The following FLT1 variants were observed in gnomAD, a reference collection of about 807,000 sequenced individuals.
FLT1 encodes vascular endothelial growth factor receptor 1.
In FLT1, 49 loss-of-function variants were observed where a neutral mutation model predicts 156.3. That is an observed-to-expected ratio of 0.31 (90% CI 0.25 to 0.40). FLT1 has a LOEUF of 0.40. Among genes scored for constraint, FLT1 ranks in the 10% least tolerant of loss-of-function variants. The pLI, the probability that FLT1 is intolerant of heterozygous loss-of-function variation, is 1.00. For synonymous variants in FLT1, 594 were observed against 583.8 expected (o/e 1.02, Z -0.25); for missense variants, 1,322 against 1,637.2 (o/e 0.81, Z 3.32).
intron 4 of FLT1, among the ~76,000 whole-genome samples, chr13:28,436,988 C>G (rs1878062539): frequency 6.6e-6 from 1 of 152,168 alleles, no homozygotes; most frequent in Non-Finnish European, 1.5e-5. Flanking sequence ...TGCTCTTAAC[C>G]ACACTTGTCT....
chr13:28,333,085 T>C (rs565535490), intron 18 of FLT1, among the ~76,000 whole-genome samples: 1 of 152,274 alleles, frequency 6.6e-6, no homozygotes, highest in South Asian at 2.1e-4. Flanking sequence ...AAGTTGAAAA[T>C]ATATTTACAT....
rs1306110321 is a variant in FLT1, at chr13:28,494,852, C to G, written c.-9G>C. The G allele has an allele frequency of 2.6e-6, 4 of 1,545,108 alleles. No homozygotes were observed. The highest frequency in any genetic ancestry group is 3.5e-6 in the Non-Finnish European group (4 of 1,151,814). On this transcript the variant is annotated 5_prime_UTR_variant, in exon 1 of 30. Coordinates refer to ENST00000282397, the MANE Select transcript of FLT1 (RefSeq NM_002019.4). ...TCCCAGTAGCTGACCATGGTGAGCG[C>G]GACGCGGCCTGCTCGCCCGGTGCCC...
chr13:28,328,016 T>G (rs577368418), intron 19 of FLT1, among the ~76,000 whole-genome samples: 1 of 152,238 alleles, frequency 6.6e-6, no homozygotes, highest in Non-Finnish European at 1.5e-5. Flanking sequence ...GCGATTTGCC[T>G]TGGGGCTTGC....
intron 14 of FLT1, among the ~76,000 whole-genome samples, chr13:28,380,830 T>C (rs1348350708): frequency 4.6e-5 from 7 of 152,160 alleles, no homozygotes; most frequent in East Asian, 3.9e-4. Flanking sequence ...GAAGGCAGCA[T>C]TGAACAAGCC....
intron 14 of FLT1, among the ~76,000 whole-genome samples, chr13:28,382,636 T>A (rs1212034634): frequency 6.6e-6 from 1 of 152,056 alleles, no homozygotes; most frequent in Non-Finnish European, 1.5e-5. Context: ...AGGTAATGAG[T>A]GTCTGGACCG....
intron 1 of FLT1, among the ~76,000 whole-genome samples, chr13:28,484,571 A>G (rs934039588): frequency 6.6e-6 from 1 of 152,202 alleles, no homozygotes; most frequent in South Asian, 2.1e-4. Flanking sequence ...GGAGATGTGA[A>G]CAGTGTCTGC....
chr13:28,320,281 G>T (rs1023371819), intron 23 of FLT1, among the ~76,000 whole-genome samples: 1 of 152,102 alleles, frequency 6.6e-6, no homozygotes, highest in South Asian at 2.1e-4. Context: ...CCAGACCAGG[G>T]CCCCAAGGAA....
chr13:28,320,451 T>C lies in FLT1; in HGVS notation c.3175-917A>G, dbSNP rs150995974. On this transcript the variant is annotated intron_variant, in intron 23 of 29. Coordinates refer to ENST00000282397, the MANE Select transcript of FLT1 (RefSeq NM_002019.4). ...TTCTAGAACAAACATGTCCAATTCCTGGCCCGCGGGCCACATGTGGCCCAG... is the reference window on the plus strand; with the variant it reads ...TTCTAGAACAAACATGTCCAATTCCCGGCCCGCGGGCCACATGTGGCCCAG... Among the ~76,000 whole-genome samples, 587 of 152,218 alleles carry C rather than the reference T, an allele frequency of 3.9e-3. 7 individuals carry two copies. The highest frequency in any genetic ancestry group is 0.013 in the African/African-American group (547 of 41,530).
chr13:28,319,287 C>G, intron 24 of FLT1, 136 bp downstream of exon 24: 2 of 689,084 alleles, frequency 2.9e-6, no homozygotes, highest in Non-Finnish European at 5.3e-6. Flanking sequence ...TGAGAGTCTA[C>G]ATGGGCCCAT....
rs1393080251 is a variant in FLT1 at position 28,495,105 on chromosome 13, T to C, written c.-262A>G. The C allele has an allele frequency of 4.5e-6, 2 of 445,730 alleles. No individual in the cohort carries two copies. Among genetic ancestry groups the C allele is most frequent in the Admixed American group, 4.5e-5 (1 of 22,150 alleles). 27.6% of individuals were successfully genotyped at this position (445,730 alleles called of 1,614,324 possible). A position where few individuals can be genotyped will look rare whatever the true frequency, so the allele number is the denominator to read the frequency against. On this transcript the variant is annotated 5_prime_UTR_variant, in exon 1 of 30. Coordinates refer to ENST00000282397, the MANE Select transcript of FLT1 (RefSeq NM_002019.4). This position sits in a 1 kb window ranked among gnomAD's most constrained non-coding sequence, Gnocchi z 4.1. ...CGAGAGGAGTGTCCGCCTGGCGCGC[T>C]CCGAGCCTCCCGCGGACCTCGATGA...
intron 10 of FLT1, among the ~76,000 whole-genome samples, chr13:28,422,980 A>G (rs1298809814): frequency 6.6e-6 from 1 of 152,170 alleles, no homozygotes; most frequent in Non-Finnish European, 1.5e-5. Context: ...TGCCATGGAC[A>G]ATCTTATCTA....
At chr13:28,477,614 C>A (rs998271785) in intron 1 of FLT1, among the ~76,000 whole-genome samples, 2 of 152,158 alleles carry the variant, frequency 1.3e-5, no homozygotes, top group Non-Finnish European at 1.5e-5. Context: ...ACAGAGAAAA[C>A]ACTCTTTACA....
intron 17 of FLT1, among the ~76,000 whole-genome samples, chr13:28,335,777 A>G (rs1034322722): frequency 1.3e-5 from 2 of 152,252 alleles, no homozygotes; most frequent in Non-Finnish European, 2.9e-5. Context: ...CAACACGGGC[A>G]GAGCTACAGC....
intron 15 of FLT1, among the ~76,000 whole-genome samples, chr13:28,347,381 A>G (rs1010894523): frequency 2.6e-5 from 4 of 151,042 alleles, no homozygotes; most frequent in Admixed American, 6.6e-5. Flanking sequence ...AAAAAAAATT[A>G]GCTGGGTGTG....
intron 3 of FLT1, among the ~76,000 whole-genome samples, chr13:28,460,855 G>A (rs1054012273): frequency 6.6e-6 from 1 of 151,740 alleles, no homozygotes; most frequent in Admixed American, 6.6e-5. Context: ...ACATTTATGA[G>A]GGTAAAATGG....
chr13:28,366,372 T>C (rs1873293557), intron 14 of FLT1, among the ~76,000 whole-genome samples: 1 of 152,224 alleles, frequency 6.6e-6, no homozygotes, highest in Admixed American at 6.5e-5. Context: ...TTGCAGTTTG[T>C]TCTAAGCCTC....
intron 3 of FLT1, among the ~76,000 whole-genome samples, chr13:28,440,226 G>A (rs1163036463): frequency 6.6e-6 from 1 of 152,204 alleles, no homozygotes; most frequent in Non-Finnish European, 1.5e-5. Context: ...CATTCCTAGA[G>A]GAGAGGAAAT....
In FLT1 at chr13:28,464,226, T is replaced by A. The variant is rs1371584112; in HGVS notation, c.388+2677A>T. On this transcript the variant is annotated intron_variant, in intron 3 of 29. Coordinates refer to ENST00000282397, the MANE Select transcript of FLT1 (RefSeq NM_002019.4). ...CTATGAAATACAACGCATTTCACAA[T>A]CCTTCCTTATCCAAAAACAATCTAA... 1.3e-5 allele frequency among the ~76,000 whole-genome samples: 2 copies of A among 152,244 alleles called. 1 individual carries two copies. Among genetic ancestry groups the A allele is most frequent in the East Asian group, 3.8e-4 (2 of 5,206 alleles).
intron 25 of FLT1, among the ~76,000 whole-genome samples, chr13:28,317,291 A>G (rs529154405): frequency 4.3e-4 from 66 of 152,316 alleles, no homozygotes; most frequent in Admixed American, 9.8e-4. Context: ...ATAGGTAGGG[A>G]TGGGTCAAGG....
Sources: gnomAD v4.1 joint callset for allele counts (sites outside exome capture counted in the v4.1 genomes callset) on GRCh38, gnomAD v4.1.1 for gene constraint, Gnocchi (gnomAD v3.1) non-coding constraint, MANE v1.5 for transcripts, NCBI Gene and HGNC (gene_info 2026-07-23, HGNC 2026-07-21) for gene names.